RALGPS1: variants seen among roughly 807,000 people sequenced by gnomAD.
The protein encoded by RALGPS1 is ras-specific guanine nucleotide-releasing factor RalGPS1.
A neutral mutation model predicts 78.8 loss-of-function variants in RALGPS1; 19 were observed. That is an observed-to-expected ratio of 0.24 (90% CI 0.17 to 0.35). The LOEUF is 0.35. RALGPS1 is among the 10% of genes least tolerant of loss of function. RALGPS1 has a pLI of 1.00. For synonymous variants in RALGPS1, 228 were observed against 256.3 expected, an observed-to-expected ratio of 0.89 and a Z score of 1.06; for missense variants, 454 against 688.3, an observed-to-expected ratio of 0.66 and a Z score of 3.81.
chr9:127,162,285 T>G (rs1319776099), intron 8 of RALGPS1, among the ~76,000 whole-genome samples: 2 of 152,142 alleles, frequency 1.3e-5, no homozygotes, highest in African/African-American at 4.8e-5. Flanking sequence ...TGCAAACAAG[T>G]GTCTGTGTGC....
At chr9:127,050,979 G>T (rs1257163264) in intron 6 of RALGPS1, among the ~76,000 whole-genome samples, 1 of 152,214 alleles carries the variant, frequency 6.6e-6, no homozygotes, top group Non-Finnish European at 1.5e-5. Flanking sequence ...TGCAGAGGAA[G>T]GAGAACTTAG....
At chr9:127,082,047 G>T (rs1174126240) in intron 8 of RALGPS1, among the ~76,000 whole-genome samples, 4 of 152,212 alleles carry the variant, frequency 2.6e-5, no homozygotes, top group Non-Finnish European at 5.9e-5. Flanking sequence ...ACTAGGGCTG[G>T]TTCAGGCCTG....
chr9:127,062,008 T>C (rs976728724), intron 7 of RALGPS1, among the ~76,000 whole-genome samples: 2 of 152,208 alleles, frequency 1.3e-5, no homozygotes, highest in Admixed American at 6.5e-5. Flanking sequence ...GAGAAAATTA[T>C]CCTACAGGAT....
chr9:126,995,572 A>T (rs62580791), intron 4 of RALGPS1, among the ~76,000 whole-genome samples: 1 of 151,708 alleles, frequency 6.6e-6, no homozygotes, highest in South Asian at 2.1e-4. Context: ...ACTCCCACAC[A>T]ATAATAATGG....
chr9:126,934,483 C>T (rs563724680), intron 1 of RALGPS1, among the ~76,000 whole-genome samples: 4 of 152,174 alleles, frequency 2.6e-5, no homozygotes, highest in East Asian at 1.9e-4. Context: ...ACAGGGGAGC[C>T]GGGTGGTGCT....
At chr9:127,213,394 A>T (rs1588603353) in intron 17 of RALGPS1, among the ~76,000 whole-genome samples, 1 of 152,148 alleles carries the variant, frequency 6.6e-6, no homozygotes, top group Admixed American at 6.5e-5. Flanking sequence ...GGCTCTGGGG[A>T]GATTTCAGGG....
At chr9:127,049,914 T>C in intron 5 of RALGPS1, 129 bp from the exon 6 acceptor site, 1 of 706,480 alleles carries the variant, frequency 1.4e-6, no homozygotes, top group Non-Finnish European at 2.5e-6. Flanking sequence ...GACCCCAGGC[T>C]ATCCTCTCCC....
intron 1 of RALGPS1, among the ~76,000 whole-genome samples, chr9:126,923,474 T>A (rs1278601089): frequency 6.6e-6 from 1 of 152,160 alleles, no homozygotes; most frequent in East Asian, 1.9e-4. Flanking sequence ...TTATAATAGT[T>A]TTTCTTGGTT....
chr9:126,992,106 C>G (rs1461230190), intron 4 of RALGPS1, among the ~76,000 whole-genome samples: 1 of 152,184 alleles, frequency 6.6e-6, no homozygotes, highest in Non-Finnish European at 1.5e-5. Context: ...AGCTTGGGCT[C>G]TGGAGAGAGA....
At chr9:126,982,556 C>T (rs776903279) in intron 4 of RALGPS1, among the ~76,000 whole-genome samples, 4 of 152,134 alleles carry the variant, frequency 2.6e-5, no homozygotes, top group African/African-American at 7.2e-5. Context: ...TTGTGTTGAG[C>T]GGTTAAAGTC....
In RALGPS1 at chr9:127,145,070, G is replaced by A. The variant is rs115800631; in HGVS notation, c.611-20999G>A. Reference sequence around the variant, plus strand: ...GTGATATGTGAGTAAGGCAAAAATAGCCTTACAGTATATAAAGTGAGATAA... The same window carrying A: ...GTGATATGTGAGTAAGGCAAAAATAACCTTACAGTATATAAAGTGAGATAA... On this transcript the variant is annotated intron_variant, in intron 8 of 18. Transcript: ENST00000259351. 7.6e-3 allele frequency among the ~76,000 whole-genome samples: 1,158 copies of A among 152,288 alleles called. 24 individuals are homozygous for A. Among genetic ancestry groups the A allele is most frequent in the African/African-American group, 0.026 (1,087 of 41,556 alleles).
At chr9:127,128,584 G>A (rs2056791856) in intron 8 of RALGPS1, among the ~76,000 whole-genome samples, 1 of 152,220 alleles carries the variant, frequency 6.6e-6, no homozygotes, top group African/African-American at 2.4e-5. Context: ...GAGTGTCCAG[G>A]CATCAAGAAG....
At chr9:126,983,663 A>G (rs1435017582) in intron 4 of RALGPS1, among the ~76,000 whole-genome samples, 2 of 152,066 alleles carry the variant, frequency 1.3e-5, no homozygotes, top group East Asian at 1.9e-4. Context: ...ACGTTTCTCA[A>G]ATTCCTTTTT....
intron 11 of RALGPS1, among the ~76,000 whole-genome samples, chr9:127,192,236 G>T (rs893965331): frequency 3.3e-5 from 5 of 152,246 alleles, no homozygotes; most frequent in Non-Finnish European, 2.9e-5. Flanking sequence ...TGCAGAGTCT[G>T]GAGGCCATGA....
At chr9:126,979,241 ATGTGTGTG>A (rs57264470) in intron 4 of RALGPS1, among the ~76,000 whole-genome samples, 55,947 of 146,554 alleles carry the variant, frequency 0.38, 12,094 homozygotes, top group Non-Finnish European at 0.48. Context: ...TTGTATTATT[ATGTGTGTG>A]TGTGTGTGTG....
intron 8 of RALGPS1, among the ~76,000 whole-genome samples, chr9:127,126,538 ATTTG>A (rs779346330): frequency 3.3e-5 from 5 of 152,062 alleles, no homozygotes; most frequent in South Asian, 2.1e-4. Context: ...CTGAAGCTTT[ATTTG>A]TTTATCTTTT....
intron 4 of RALGPS1, chr9:126,990,155 C>A: frequency 1.2e-6 from 1 of 833,976 alleles, no homozygotes; most frequent in Non-Finnish European, 1.8e-6. Context: ...AAGAATGTGG[C>A]CAGCAGGCAG....
chr9:127,002,322 G>A (rs144379396), intron 4 of RALGPS1, among the ~76,000 whole-genome samples: 263 of 151,332 alleles, frequency 1.7e-3, no homozygotes, highest in African/African-American at 5.3e-3. Context: ...TTTTTGTATA[G>A]TATTCCATTC....
At chr9:127,063,421 T>TA (rs2049390784) in intron 7 of RALGPS1, among the ~76,000 whole-genome samples, 1 of 152,270 alleles carries the variant, frequency 6.6e-6, no homozygotes, top group Non-Finnish European at 1.5e-5. Context: ...ACTTTGTTTT[T>TA]ACCTTATAAA....
Sources: gnomAD v4.1 joint callset for allele counts (sites outside exome capture counted in the v4.1 genomes callset) on GRCh38, gnomAD v4.1.1 for gene constraint, MANE v1.5 for transcripts, NCBI Gene and HGNC (gene_info 2026-07-23, HGNC 2026-07-21) for gene names.